The following CIMIP1 variants were observed in gnomAD, a reference collection of about 807,000 sequenced individuals.
CIMIP1 encodes low in lung cancer 1.
At chr20:58,155,470 G>A in the CIMIP1 span, 1 of 1,613,012 alleles carries the variant, frequency 6.2e-7, no homozygotes, top group South Asian at 1.1e-5. Flanking sequence ...TGTTTCAGTT[G>A]ATCAAGTGTG....
At chr20:58,151,936 T>C in the CIMIP1 span, among the ~76,000 whole-genome samples, 1 of 152,208 alleles carries the variant, frequency 6.6e-6, no homozygotes, top group Non-Finnish European at 1.5e-5. Context: ...GTTTAACTCA[T>C]ATGGGAATTT....
At chr20:58,157,702 G>T in the CIMIP1 span, among the ~76,000 whole-genome samples, 5 of 152,148 alleles carry the variant, frequency 3.3e-5, no homozygotes, top group African/African-American at 1.2e-4. Flanking sequence ...GAGAATAATC[G>T]TGCAAGGAAC....
At chr20:58,160,646 G>A in the CIMIP1 span, 3 of 1,609,590 alleles carry the variant, frequency 1.9e-6, no homozygotes, top group South Asian at 3.3e-5. Context: ...TAAATCCCCT[G>A]TATTTCCATT....
At chr20:58,156,417 C>A in the CIMIP1 span, among the ~76,000 whole-genome samples, 1 of 151,608 alleles carries the variant, frequency 6.6e-6, no homozygotes, top group Non-Finnish European at 1.5e-5. Context: ...AACAGCAAGG[C>A]AAGGCGATGC....
the CIMIP1 span, chr20:58,155,509 A>T: frequency 4.3e-5 from 69 of 1,614,164 alleles, no homozygotes; most frequent in Non-Finnish European, 5.4e-5. Flanking sequence ...CAAAGCCCAA[A>T]ATCGAGCTTC....
the CIMIP1 span, chr20:58,160,798 C>CG: frequency 1.2e-6 from 2 of 1,613,106 alleles, no homozygotes; most frequent in Non-Finnish European, 1.7e-6. Flanking sequence ...GAGAGCTGTG[C>CG]TGGCCCAAGC....
chr20:58,152,972 T>C, the CIMIP1 span, among the ~76,000 whole-genome samples: 2 of 152,094 alleles, frequency 1.3e-5, no homozygotes, highest in African/African-American at 2.4e-5. Context: ...CTCAAAACGA[T>C]TGAATGTTTA....
the CIMIP1 span, chr20:58,155,525 C>A: frequency 6.2e-7 from 1 of 1,614,190 alleles, no homozygotes. Context: ...GCTTCCTGAG[C>A]GTTTCCGCAT....
the CIMIP1 span, among the ~76,000 whole-genome samples, chr20:58,155,873 C>T: frequency 9.4e-4 from 143 of 152,310 alleles, 1 homozygote; most frequent in African/African-American, 3.2e-3. Context: ...GGCAGGAAGG[C>T]AGGGCAGACC....
chr20:58,153,783 C>G, the CIMIP1 span, among the ~76,000 whole-genome samples: 36 of 152,352 alleles, frequency 2.4e-4, 1 homozygote, highest in East Asian at 6.2e-3. Flanking sequence ...TTCACAGATT[C>G]CTGGGCACTG....
the CIMIP1 span, chr20:58,153,689 CAA>C: frequency 1.7e-6 from 2 of 1,169,054 alleles, no homozygotes; most frequent in South Asian, 2.5e-5. Flanking sequence ...TGAATGATTA[CAA>C]AGTCTATCAC....
At chr20:58,160,946 A>G in the CIMIP1 span, 9 of 1,094,764 alleles carry the variant, frequency 8.2e-6, no homozygotes, top group Non-Finnish European at 1.1e-5. Context: ...TGCTCATGGG[A>G]TGTTGCAAAG....
chr20:58,160,385 TC>T, the CIMIP1 span, among the ~76,000 whole-genome samples: 87 of 152,370 alleles, frequency 5.7e-4, no homozygotes, highest in African/African-American at 1.7e-3. Flanking sequence ...CATCTTTTTT[TC>T]TTTTTGCTTT....
the CIMIP1 span, among the ~76,000 whole-genome samples, chr20:58,160,288 G>A: frequency 6.6e-6 from 1 of 152,174 alleles, no homozygotes; most frequent in Non-Finnish European, 1.5e-5. Flanking sequence ...TCGAAACAGG[G>A]TGACGTGCAC....
At chr20:58,160,526 T>C in the CIMIP1 span, 1 of 808,190 alleles carries the variant, frequency 1.2e-6, no homozygotes, top group Non-Finnish European at 1.8e-6. Flanking sequence ...CTGATTGGAA[T>C]GTGCTTGTTT....
At chr20:58,152,722 CA>C in the CIMIP1 span, among the ~76,000 whole-genome samples, 65,601 of 85,056 alleles carry the variant, frequency 0.77, 25,595 homozygotes, top group East Asian at 0.91. Context: ...GAAACTCCAT[CA>C]AAAAAAAAAA....
the CIMIP1 span, chr20:58,160,600 T>A: frequency 1.0e-5 from 16 of 1,548,258 alleles, no homozygotes; most frequent in Non-Finnish European, 1.4e-5. Flanking sequence ...CACATGCCGA[T>A]GCTGGGTGCC....
chr20:58,154,650 T>C, the CIMIP1 span, among the ~76,000 whole-genome samples: 1 of 152,234 alleles, frequency 6.6e-6, no homozygotes, highest in Non-Finnish European at 1.5e-5. Flanking sequence ...TTCTTATTAA[T>C]ATAATATGCA....
the CIMIP1 span, among the ~76,000 whole-genome samples, chr20:58,158,624 T>G: frequency 6.6e-6 from 1 of 151,600 alleles, no homozygotes; most frequent in Non-Finnish European, 1.5e-5. Context: ...CACTCCAGCC[T>G]GGGCGACAGA....
Sources: gnomAD v4.1 joint callset for allele counts (sites outside exome capture counted in the v4.1 genomes callset) on GRCh38, gnomAD v4.1.1 for gene constraint, MANE v1.5 for transcripts, NCBI Gene and HGNC (gene_info 2026-07-23, HGNC 2026-07-21) for gene names.